Variants in CFTR observed in about 807,000 individuals in gnomAD.
CFTR encodes the protein CF transmembrane conductance regulator, also known as cystic fibrosis transmembrane conductance regulator.
Under a neutral mutation model 171.6 loss-of-function variants are expected in CFTR, and 181 were observed. The ratio of observed to expected loss-of-function variants is 1.05; its 90% CI spans 0.93 to 1.19. The LOEUF is 1.19. Ranked by LOEUF, CFTR falls within the 50% of genes most tolerant of loss-of-function variation. The probability of loss-of-function intolerance (pLI) is 0.00; values close to 1 mark genes in which losing one functional copy is unlikely to be tolerated. For missense variants in CFTR, 1,968 were observed against 1,734.7 expected, an observed-to-expected ratio of 1.13 and a Z score of -2.39; for synonymous variants, 583 against 608.0, an observed-to-expected ratio of 0.96 and a Z score of 0.60.
intron 8 of CFTR, among the ~76,000 whole-genome samples, chr7:117,541,642 A>G (rs1296032149): frequency 9.6e-6 from 1 of 103,884 alleles, no homozygotes; most frequent in Non-Finnish European, 1.7e-5. Flanking sequence ...ATTAAGATGA[A>G]GACATTCATT....
intron 11 of CFTR, among the ~76,000 whole-genome samples, chr7:117,560,093 A>G (rs1032903301): frequency 6.6e-6 from 1 of 152,164 alleles, no homozygotes. Flanking sequence ...TAATGGAATG[A>G]GCATTGATCT....
rs538462418 is a variant in CFTR at position 117,631,303 on chromosome 7, C to T, written c.3717+3533C>T. ...CATCTTTTGTTATATGTTTCCCCCCCTAGTTCCTGAAATAGCTCTAGAGAA... is the reference window on the plus strand; with the variant it reads ...CATCTTTTGTTATATGTTTCCCCCCTTAGTTCCTGAAATAGCTCTAGAGAA... On this transcript the variant is annotated intron_variant, in intron 22 of 26. Coordinates refer to ENST00000003084, the MANE Select transcript of CFTR (RefSeq NM_000492.4). 2.4e-4 allele frequency among the ~76,000 whole-genome samples: 36 copies of T among 152,254 alleles called. 1 individual carries two copies. In the South Asian group the frequency reaches 7.2e-3, roughly 31 times the overall value.
intron 3 of CFTR, among the ~76,000 whole-genome samples, chr7:117,517,037 C>CATGT (rs1157622335): frequency 6.6e-6 from 1 of 151,962 alleles, no homozygotes; most frequent in African/African-American, 2.4e-5. Flanking sequence ...GTATCAACAA[C>CATGT]TCTATAAAAC....
chr7:117,570,005 G>A (rs1791664166), intron 11 of CFTR, among the ~76,000 whole-genome samples: 2 of 151,880 alleles, frequency 1.3e-5, no homozygotes, highest in Admixed American at 6.6e-5. Flanking sequence ...TAAAAAATTA[G>A]GGTGATATAT....
intron 23 of CFTR, 55 bp downstream of exon 23, chr7:117,642,648 T>C: frequency 6.5e-7 from 1 of 1,546,956 alleles, no homozygotes; most frequent in Non-Finnish European, 8.9e-7. Context: ...TTTTTACTGC[T>C]ATTTGATACT....
intron 20 of CFTR, among the ~76,000 whole-genome samples, chr7:117,613,787 C>A (rs1265758708): frequency 2.0e-5 from 3 of 151,948 alleles, no homozygotes; most frequent in African/African-American, 4.8e-5. Flanking sequence ...ATTGTAGAAT[C>A]TTTTGACAAT....
intron 3 of CFTR, among the ~76,000 whole-genome samples, chr7:117,518,149 GC>G (rs756231617): frequency 7.3e-5 from 11 of 151,690 alleles, no homozygotes; most frequent in Non-Finnish European, 1.0e-4. Flanking sequence ...TGTAGTTGGT[GC>G]AAAAGTAATT....
At chr7:117,666,801 A>G (rs1455536615) in intron 26 of CFTR, 107 bp from the exon 27 acceptor site, 4 of 913,890 alleles carry the variant, frequency 4.4e-6, no homozygotes, top group Non-Finnish European at 7.2e-6. Context: ...GGCTCTGGAC[A>G]TTGCATTCTT....
chr7:117,665,450 C>A lies in CFTR; in HGVS notation c.4137-9C>A. 6.6e-7 allele frequency: 1 copy of A among 1,518,072 alleles called. No individual in the cohort carries two copies. Among genetic ancestry groups the A allele is most frequent in the Non-Finnish European group, 9.2e-7 (1 of 1,092,784 alleles). 94.0% of individuals were successfully genotyped at this position (1,518,072 alleles called of 1,614,324 possible). A position where few individuals can be genotyped will look rare whatever the true frequency, so the allele number is the denominator to read the frequency against. On this transcript the variant is annotated splice_polypyrimidine_tract_variant and intron_variant, in intron 25 of 26. Transcript: ENST00000003084. ...TGATATTATGTGTGGTATTTTCTTTCTTTTCTAGAACATACCAAATAATTA... is the reference window on the plus strand; with the variant it reads ...TGATATTATGTGTGGTATTTTCTTTATTTTCTAGAACATACCAAATAATTA...
intron 1 of CFTR, among the ~76,000 whole-genome samples, chr7:117,484,811 A>G (rs1339942800): frequency 2.0e-5 from 3 of 151,900 alleles, no homozygotes; most frequent in Non-Finnish European, 4.4e-5. Context: ...GTTTATTCCT[A>G]TAGTTTTTTA....
intron 24 of CFTR, among the ~76,000 whole-genome samples, chr7:117,654,864 C>T (rs779562462): frequency 2.0e-5 from 3 of 152,156 alleles, no homozygotes; most frequent in Non-Finnish European, 4.4e-5. Flanking sequence ...GCAGTTGTAG[C>T]CCCTCCTTTG....
intron 11 of CFTR, among the ~76,000 whole-genome samples, chr7:117,561,065 A>G (rs1799456240): frequency 6.6e-6 from 1 of 152,152 alleles, no homozygotes; most frequent in South Asian, 2.1e-4. Flanking sequence ...GCCAAAATAT[A>G]GCTTAAATAT....
rs143250367 is a variant in CFTR, at chr7:117,590,525, C to A, written c.1766+86C>A. 2.0e-4 allele frequency: 295 copies of A among 1,471,002 alleles called. 1 individual carries two copies. In the African/African-American group the frequency reaches 3.5e-3, roughly 18 times the overall value. The allele number at this position is 1,471,002 out of a possible 1,614,324, so 91.1% of individuals were successfully genotyped here. On this transcript the variant is annotated intron_variant, in intron 13 of 26. Transcript: ENST00000003084. ...TCCCATCATAGATTGCATTTTACCT[C>A]TTGAGAAATATGTTCACCATTGTTG...
intron 10 of CFTR, among the ~76,000 whole-genome samples, chr7:117,558,626 TCTA>T (rs1429618562): frequency 6.6e-6 from 1 of 152,076 alleles, no homozygotes; most frequent in Non-Finnish European, 1.5e-5. Flanking sequence ...CTCCTTTCCT[TCTA>T]CTCAGTTTTA....
rs768301079 is a variant in CFTR, at chr7:117,542,126, ATTGT to A, written c.1209+22_1209+25del. The A allele has an allele frequency of 7.6e-7, 1 of 1,309,382 alleles. No homozygotes were observed. The highest frequency in any genetic ancestry group is 1.1e-6 in the Non-Finnish European group (1 of 902,456). The allele number at this position is 1,309,382 out of a possible 1,614,324, so 81.1% of individuals were successfully genotyped here. ...GGGAGGAGGTCAGAATTTTTAAAAA[ATTGT>A]TTGCTCTAAACACCTAACTGTTTTC... On this transcript the variant is annotated intron_variant, in intron 9 of 26. Coordinates refer to ENST00000003084, the MANE Select transcript of CFTR (RefSeq NM_000492.4).
chr7:117,624,656 T>C (rs1584828915), intron 21 of CFTR, among the ~76,000 whole-genome samples: 2 of 152,174 alleles, frequency 1.3e-5, no homozygotes, highest in East Asian at 3.9e-4. Flanking sequence ...TTAGAGGACC[T>C]GGTATCTAAA....
At chr7:117,620,581 C>T (rs1792559110) in intron 21 of CFTR, among the ~76,000 whole-genome samples, 1 of 152,134 alleles carries the variant, frequency 6.6e-6, no homozygotes, top group African/African-American at 2.4e-5. Flanking sequence ...AAGAAAATGC[C>T]ATTATGATGT....
chr7:117,643,473 T>G (rs962033691), intron 23 of CFTR, among the ~76,000 whole-genome samples: 2 of 152,162 alleles, frequency 1.3e-5, no homozygotes, highest in African/African-American at 4.8e-5. Flanking sequence ...CTTGTATTTC[T>G]TAACAGATTA....
At chr7:117,561,735 G>C (rs902566593) in intron 11 of CFTR, among the ~76,000 whole-genome samples, 49 of 152,254 alleles carry the variant, frequency 3.2e-4, no homozygotes, top group African/African-American at 1.2e-3. Context: ...TTGTGGACTA[G>C]TGGGAAAGAT....
Sources: allele counts gnomAD v4.1 joint callset (sites outside exome capture counted in the v4.1 genomes callset), GRCh38; gene constraint gnomAD v4.1.1; transcripts MANE v1.5; gene names NCBI Gene and HGNC (gene_info 2026-07-23, HGNC 2026-07-21).